WDFY3: variants seen among roughly 807,000 people sequenced by gnomAD.
WDFY3 encodes WD repeat and FYVE domain containing 3, also known as WD repeat and FYVE domain-containing protein 3.
Under a neutral mutation model 409.6 loss-of-function variants are expected in WDFY3, and 66 were observed. That is an observed-to-expected ratio of 0.16 (90% confidence interval 0.13 to 0.20). The LOEUF is 0.20. WDFY3 is among the 10% of genes least tolerant of loss of function. The pLI, the probability that WDFY3 is intolerant of heterozygous loss-of-function variation, is 1.00. For synonymous variants in WDFY3, 1,521 were observed against 1,537.1 expected (o/e 0.99, Z 0.25); for missense variants, 3,031 against 4,298.1 (o/e 0.71, Z 8.24).
At chr4:84,781,644 A>G (rs1331152233) in intron 25 of WDFY3, among the ~76,000 whole-genome samples, 1 of 152,152 alleles carries the variant, frequency 6.6e-6, no homozygotes, top group Non-Finnish European at 1.5e-5. Context: ...AAGAACACTG[A>G]AGTTCATAGA....
intron 16 of WDFY3, among the ~76,000 whole-genome samples, chr4:84,802,344 C>A (rs757357773): frequency 6.7e-6 from 1 of 149,082 alleles, no homozygotes; most frequent in Non-Finnish European, 1.5e-5. Context: ...ACTGCAACCT[C>A]CGCCTCCTGG....
intron 61 of WDFY3, among the ~76,000 whole-genome samples, chr4:84,690,304 A>T (rs1729040476): frequency 6.6e-6 from 1 of 152,168 alleles, no homozygotes; most frequent in South Asian, 2.1e-4. Flanking sequence ...TAACAAAGGG[A>T]CCGGCTTAGA....
intron 4 of WDFY3, among the ~76,000 whole-genome samples, chr4:84,858,700 C>T (rs1760109467): frequency 1.4e-5 from 2 of 140,210 alleles, no homozygotes; most frequent in African/African-American, 2.7e-5. Context: ...AAATTTCACA[C>T]AAAAAGATAG....
At chr4:84,760,109 T>C (rs1257185239) in intron 32 of WDFY3, among the ~76,000 whole-genome samples, 1 of 151,314 alleles carries the variant, frequency 6.6e-6, no homozygotes, top group Non-Finnish European at 1.5e-5. Flanking sequence ...ATGACATTTA[T>C]TGATTTGCAT....
At chr4:84,708,559 C>CA (rs1019641882) in intron 53 of WDFY3, among the ~76,000 whole-genome samples, 4 of 149,766 alleles carry the variant, frequency 2.7e-5, no homozygotes, top group Admixed American at 2.0e-4. Flanking sequence ...TTTGTGGAGA[C>CA]AGAGTCTTGC....
intron 21 of WDFY3, 131 bp from the exon 22 acceptor site, chr4:84,790,038 T>C (rs1027515967): frequency 1.7e-5 from 17 of 1,029,320 alleles, no homozygotes; most frequent in Non-Finnish European, 2.4e-5. Context: ...TGAGTAATAA[T>C]ACAACTCTGG....
At chr4:84,957,211 T>C (rs563879878) in intron 1 of WDFY3, among the ~76,000 whole-genome samples, 27 of 144,352 alleles carry the variant, frequency 1.9e-4, no homozygotes, top group African/African-American at 5.7e-4. Context: ...AAAATATATA[T>C]AGTGCCTGCA....
At chr4:84,787,193 A>C (rs1388977957) in intron 23 of WDFY3, among the ~76,000 whole-genome samples, 1 of 152,232 alleles carries the variant, frequency 6.6e-6, no homozygotes, top group Non-Finnish European at 1.5e-5. Context: ...AATCACAGAA[A>C]GAGAAGAGTG....
At chr4:84,690,758 C>T (rs1729124236) in intron 60 of WDFY3, 94 bp from the exon 61 acceptor site, 2 of 1,416,420 alleles carry the variant, frequency 1.4e-6, no homozygotes, top group Admixed American at 2.7e-5. Context: ...GGTGCAGGCA[C>T]CTCACCAGCA....
At chr4:84,770,039 T>A (rs1744386825) in intron 30 of WDFY3, among the ~76,000 whole-genome samples, 2 of 151,874 alleles carry the variant, frequency 1.3e-5, no homozygotes, top group African/African-American at 4.8e-5. Context: ...TATACTTTTT[T>A]TTTTTTTGAG....
chr4:84,933,988 G>T (rs1329060582), intron 1 of WDFY3, among the ~76,000 whole-genome samples: 1 of 152,118 alleles, frequency 6.6e-6, no homozygotes, highest in Non-Finnish European at 1.5e-5. Context: ...AAATATGGGA[G>T]TGTAGATATC....
chr4:84,709,056 A>G, intron 52 of WDFY3, 28 bp from the exon 53 acceptor site: 2 of 1,612,126 alleles, frequency 1.2e-6, no homozygotes, highest in Non-Finnish European at 1.7e-6. Flanking sequence ...TTCATTTTTG[A>G]GCTATCGATT....
At chr4:84,944,521 C>A (rs1285989543) in intron 1 of WDFY3, among the ~76,000 whole-genome samples, 1 of 143,874 alleles carries the variant, frequency 7.0e-6, no homozygotes, top group African/African-American at 2.6e-5. Context: ...GAGAGTCAGA[C>A]CGTGTATCAA....
Position 84,691,575 on chromosome 4 carries a change from G to C in WDFY3, c.9204+56C>G, listed in dbSNP as rs548580075. The C allele has an allele frequency of 1.9e-6, 3 of 1,583,322 alleles. No individual in the cohort carries two copies. In the Admixed American group the frequency reaches 5.1e-5, roughly 27 times the overall value. On this transcript the variant is annotated intron_variant, in intron 60 of 67. Transcript: ENST00000295888. ...CTCCCCAACCCTATTAGTCATATAGGATAGCCAGACCACAAAAGAGCAATA... is the reference window on the plus strand; with the variant it reads ...CTCCCCAACCCTATTAGTCATATAGCATAGCCAGACCACAAAAGAGCAATA...
chr4:84,897,859 A>G (rs1323415064), intron 2 of WDFY3, among the ~76,000 whole-genome samples: 2 of 152,236 alleles, frequency 1.3e-5, no homozygotes, highest in Non-Finnish European at 2.9e-5. Flanking sequence ...AATCGCCTTT[A>G]AATCTTCCTG....
chr4:84,686,052 A>G (rs1319926731), intron 62 of WDFY3, among the ~76,000 whole-genome samples: 1 of 152,182 alleles, frequency 6.6e-6, no homozygotes, highest in African/African-American at 2.4e-5. Context: ...TTTCAGACAG[A>G]AAAAACAAAT....
At chr4:84,873,712 G>T (rs1762410852) in intron 3 of WDFY3, among the ~76,000 whole-genome samples, 1 of 151,902 alleles carries the variant, frequency 6.6e-6, no homozygotes, top group Admixed American at 6.6e-5. Context: ...TCTTGGAAAT[G>T]ATCAGTAAAC....
chr4:84,830,295 A>G (rs2149913932), intron 8 of WDFY3, among the ~76,000 whole-genome samples: 1 of 152,334 alleles, frequency 6.6e-6, no homozygotes, highest in African/African-American at 2.4e-5. Context: ...ACTGTACTTT[A>G]TGTAACCATA....
intron 41 of WDFY3, 32 bp from the exon 42 acceptor site, chr4:84,736,359 AT>A (rs750132901): frequency 2.6e-6 from 4 of 1,554,114 alleles, no homozygotes; most frequent in Non-Finnish European, 3.5e-6. Context: ...TTATTTTATA[AT>A]TTCTCCATGT....
Sources: allele counts gnomAD v4.1 joint callset (sites outside exome capture counted in the v4.1 genomes callset), GRCh38; gene constraint gnomAD v4.1.1; transcripts MANE v1.5; gene names NCBI Gene and HGNC (gene_info 2026-07-23, HGNC 2026-07-21).